The following SLC15A4 variants were observed in gnomAD, a reference collection of about 807,000 sequenced individuals.
SLC15A4 encodes the protein hPHT1.
Under a neutral mutation model 46.1 loss-of-function variants are expected in SLC15A4, and 26 were observed. The observed-to-expected ratio is 0.56, with a 90% CI of 0.41 to 0.78. The LOEUF is 0.78. SLC15A4 is among the 30% of genes least tolerant of loss of function. The pLI, the probability that SLC15A4 is intolerant of heterozygous loss-of-function variation, is 0.00. For synonymous variants in SLC15A4, 370 were observed against 333.4 expected (o/e 1.11, Z -1.20); for missense variants, 751 against 755.7 (o/e 0.99, Z 0.07).
At chr12:128,820,138 C>G (rs1301406732) in intron 1 of SLC15A4, among the ~76,000 whole-genome samples, 1 of 152,214 alleles carries the variant, frequency 6.6e-6, no homozygotes, top group African/African-American at 2.4e-5. Context: ...GACTGTGCTA[C>G]CAGCCCCGTT....
rs759632077 is a variant in SLC15A4 at position 128,808,882 on chromosome 12, G to C, written c.1164C>G (p.Val388=). Residue 388 remains valine (V), a synonymous_variant, in exon 5 of 8, where the codon GTC becomes GTG. Coordinates refer to ENST00000266771, the MANE Select transcript of SLC15A4 (RefSeq NM_145648.4). ...GGCCATGTCTTCTCAAAATGGGATCGACCAGTTTGTCCTTCAGAGGGATGA... is the reference window on the plus strand; with the variant it reads ...GGCCATGTCTTCTCAAAATGGGATCCACCAGTTTGTCCTTCAGAGGGATGA... ...LLLIPLKDKL[V]DPILRRHGLL... 20 of 1,614,052 alleles carry C rather than the reference G, an allele frequency of 1.2e-5. No individual in the cohort carries two copies. Among genetic ancestry groups the C allele is most frequent in the Non-Finnish European group, 1.7e-5 (20 of 1,180,008 alleles).
intron 7 of SLC15A4, among the ~76,000 whole-genome samples, chr12:128,798,251 T>C (rs139378935): frequency 3.2e-4 from 49 of 152,338 alleles, no homozygotes; most frequent in African/African-American, 1.1e-3. Context: ...GAGGATCTTA[T>C]TCCTCGGGCT....
rs774761737 is a variant in SLC15A4, at chr12:128,823,827, G to C, written c.117C>G (p.Ala39=). 1 of 1,376,954 alleles carries C rather than the reference G, an allele frequency of 7.3e-7. No homozygotes were observed. Among genetic ancestry groups the C allele is most frequent in the Non-Finnish European group, 9.5e-7 (1 of 1,054,926 alleles). 85.3% of individuals were successfully genotyped at this position (1,376,954 alleles called of 1,614,324 possible). Residue 39 remains alanine (A), a synonymous_variant, in exon 1 of 8, where the codon GCC becomes GCG. Coordinates refer to ENST00000266771, the MANE Select transcript of SLC15A4 (RefSeq NM_145648.4). The stretch of plus-strand genomic sequence containing the variant: ...GCTCCAGCAGCTCCGTCAGCAGCAC[G>C]GCCCCGCACGCCGCGCGCCGGCCCG... ...AFAGRRAACG[A]VLLTELLERA...
intron 5 of SLC15A4, among the ~76,000 whole-genome samples, chr12:128,807,832 T>C (rs1320480561): frequency 1.3e-5 from 2 of 152,248 alleles, no homozygotes; most frequent in Non-Finnish European, 2.9e-5. Context: ...TCTTCTAAAA[T>C]GTCCCAGTCT....
At chr12:128,804,498 A>G (rs958405625) in intron 5 of SLC15A4, among the ~76,000 whole-genome samples, 27 of 152,156 alleles carry the variant, frequency 1.8e-4, no homozygotes, top group Non-Finnish European at 2.9e-4. Context: ...TTGGGAGGCC[A>G]AGGTGGGCAG....
In SLC15A4 at chr12:128,823,625, G is replaced by C. The variant is rs1375221208; in HGVS notation, c.319C>G (p.Leu107Val). Residue 107 changes from leucine (L) to valine (V), a missense_variant, in exon 1 of 8, where the codon CTG becomes GTG. By Grantham distance (32) the Leu-to-Val change is conservative (BLOSUM62 1). Transcript: ENST00000266771. ...DARLGRARAI[L>V]LSLALYLLGM... Reference sequence around the variant, plus strand: ...AGCAGGTAGAGCGCCAGGCTCAGCAGGATGGCGCGCGCCCGGCCCAGCCGC... The same window carrying C: ...AGCAGGTAGAGCGCCAGGCTCAGCACGATGGCGCGCGCCCGGCCCAGCCGC... The C allele has an allele frequency of 4.1e-6, 6 of 1,475,984 alleles. No homozygotes were observed. The highest frequency in any genetic ancestry group is 5.4e-6 in the Non-Finnish European group (6 of 1,118,252). 91.4% of individuals were successfully genotyped at this position (1,475,984 alleles called of 1,614,324 possible). A position where few individuals can be genotyped will look rare whatever the true frequency, so the allele number is the denominator to read the frequency against.
intron 7 of SLC15A4, among the ~76,000 whole-genome samples, chr12:128,797,549 C>T (rs369325207): frequency 6.6e-6 from 1 of 152,202 alleles, no homozygotes; most frequent in African/African-American, 2.4e-5. Context: ...TAAAAGGAGC[C>T]TGCTGGGAGG....
intron 1 of SLC15A4, among the ~76,000 whole-genome samples, chr12:128,821,925 C>T (rs1955846920): frequency 1.3e-5 from 2 of 151,564 alleles, no homozygotes; most frequent in African/African-American, 4.9e-5. Flanking sequence ...ATATTAAGAA[C>T]CATTCTTAGC....
In SLC15A4 at chr12:128,814,973, T is replaced by C. The variant is rs761987601; in HGVS notation, c.644A>G (p.Tyr215Cys). The change falls in exon 2 of 8, where the codon TAT (tyrosine) becomes TGT (cysteine). Residue 215 changes from tyrosine to cysteine, a missense_variant. Physicochemically the swap from Tyr to Cys is radical, Grantham distance 194 (BLOSUM62 -2). Coordinates refer to ENST00000266771, the MANE Select transcript of SLC15A4 (RefSeq NM_145648.4). ...GACAAAGCTGACGTTCTGCTGAATA[T>C]AGGCAATGCCACCTAACGACAGGAT... Reference protein sequence around the residue: ...GAILSLGGIAYIQQNVSFVTG... With the variant: ...GAILSLGGIACIQQNVSFVTG... 2 of 1,614,168 alleles carry C rather than the reference T, an allele frequency of 1.2e-6. No homozygotes were observed. Among genetic ancestry groups the C allele is most frequent in the South Asian group, 1.1e-5 (1 of 91,080 alleles).
At chr12:128,815,579 G>C (rs1482428518) in intron 1 of SLC15A4, 1 of 159,852 alleles carries the variant, frequency 6.3e-6, no homozygotes. Context: ...CCAGCTACTT[G>C]GGAGGCTGAG....
intron 5 of SLC15A4, among the ~76,000 whole-genome samples, chr12:128,806,960 G>A (rs1200236805): frequency 6.9e-6 from 1 of 144,238 alleles, no homozygotes; most frequent in African/African-American, 2.6e-5. Context: ...CTGGAGTGCA[G>A]TGGCGCGATC....
At position 128,799,381 on chromosome 12, in the gene SLC15A4, A is replaced by G. The variant is rs1414766404; in HGVS notation, c.1451T>C (p.Met484Thr). 6.2e-7 allele frequency: 1 copy of G among 1,614,226 alleles called. No individual in the cohort carries two copies. Among genetic ancestry groups the G allele is most frequent in the Non-Finnish European group, 8.5e-7 (1 of 1,180,040 alleles). Residue 484 changes from methionine (M) to threonine (T), a missense_variant, in exon 7 of 8, where the codon ATG becomes ACG. Transcript: ENST00000266771. ...EFAYSAAPKS[M>T]QSAIMGLFFF... The stretch of plus-strand genomic sequence containing the variant: ...GAACAAGCCCATTATGGCACTCTGC[A>G]TGGACTTGGGGGCAGCTGAGTATGC...
intron 6 of SLC15A4, 98 bp downstream of exon 6, chr12:128,800,756 C>T: frequency 7.8e-7 from 1 of 1,287,032 alleles, no homozygotes; most frequent in Middle Eastern, 2.6e-4. Context: ...AAGTGCTGTG[C>T]TATCCTTGTC....
rs1454193418 is a variant in SLC15A4 at position 128,823,505 on chromosome 12, C to G, written c.439G>C (p.Asp147His). 2 of 1,483,606 alleles carry G rather than the reference C, an allele frequency of 1.3e-6. No homozygotes were observed. The highest frequency in any genetic ancestry group is 1.8e-6 in the Non-Finnish European group (2 of 1,124,106). 91.9% of individuals were successfully genotyped at this position (1,483,606 alleles called of 1,614,324 possible). A position where few individuals can be genotyped will look rare whatever the true frequency, so the allele number is the denominator to read the frequency against. Reference sequence around the variant, plus strand: ...GGTGAGCAGCAGCGGGCGGCGGCGTCGGGACCAGGCGCCGTGCAGTTGAGC... The same window carrying G: ...GGTGAGCAGCAGCGGGCGGCGGCGTGGGGACCAGGCGCCGTGCAGTTGAGC... ...RLLNCTAPGP[D>H]AAARCCSPAT... The change falls in exon 1 of 8, where the codon GAC (aspartate) becomes CAC (histidine). Residue 147 changes from aspartate to histidine, a missense_variant. Physicochemically the swap from Asp to His is moderately conservative, Grantham distance 81. Transcript: ENST00000266771.
chr12:128,819,505 T>A (rs1593017892), intron 1 of SLC15A4: 1 of 152,214 alleles, frequency 6.6e-6, no homozygotes, highest in Non-Finnish European at 1.5e-5. Flanking sequence ...GACATTCTTT[T>A]AACGGCAGTG....
At chr12:128,823,339 G>A in intron 1 of SLC15A4, 59 bp downstream of exon 1, 4 of 1,332,610 alleles carry the variant, frequency 3.0e-6, no homozygotes, top group South Asian at 1.8e-5. Flanking sequence ...CAGGGGAAGA[G>A]GCTGGGGCTG....
intron 7 of SLC15A4, among the ~76,000 whole-genome samples, chr12:128,798,029 C>T (rs1283031046): frequency 6.6e-6 from 1 of 152,162 alleles, no homozygotes; most frequent in Admixed American, 6.5e-5. Flanking sequence ...CCACAAACAA[C>T]CTGTCAGACA....
At position 128,793,533 on chromosome 12, in the gene SLC15A4, G is replaced by A. The variant is rs1224888617; in HGVS notation, c.*663C>T. On this transcript the variant is annotated 3_prime_UTR_variant, in exon 8 of 8. Coordinates refer to ENST00000266771, the MANE Select transcript of SLC15A4 (RefSeq NM_145648.4). ...TGAGATGGGACACATGGTCTCAAATGACTCTTATGCATGCCTTGCCTTAAG... is the reference window on the plus strand; with the variant it reads ...TGAGATGGGACACATGGTCTCAAATAACTCTTATGCATGCCTTGCCTTAAG... 6.6e-6 allele frequency: 1 copy of A among 152,180 alleles called. No individual in the cohort carries two copies. The highest frequency in any genetic ancestry group is 1.5e-5 in the Non-Finnish European group (1 of 68,036). The allele number at this position is 152,180 out of a possible 1,614,324, so 9.4% of individuals were successfully genotyped here.
chr12:128,812,322 T>G (rs1303958854), intron 2 of SLC15A4, among the ~76,000 whole-genome samples: 1 of 151,816 alleles, frequency 6.6e-6, no homozygotes, highest in Non-Finnish European at 1.5e-5. Context: ...TTTTTTTTTA[T>G]TTTATTTTTT....
Sources: allele counts gnomAD v4.1 joint callset (sites outside exome capture counted in the v4.1 genomes callset), GRCh38; gene constraint gnomAD v4.1.1; transcripts MANE v1.5; gene names NCBI Gene and HGNC (gene_info 2026-07-23, HGNC 2026-07-21).